Variants in CRADD observed in about 807,000 individuals in gnomAD.
CRADD encodes CARD and death domain containing adaptor protein, also known as death domain-containing protein CRADD.
In CRADD, 9 loss-of-function variants were observed where a neutral mutation model predicts 15.5. The observed-to-expected ratio is 0.58, with a 90% confidence interval of 0.35 to 1.01. The LOEUF is 1.01. CRADD is among the 50% of genes least tolerant of loss of function. The pLI is 0.02. For synonymous variants in CRADD, 118 were observed against 107.6 expected (o/e 1.10, Z -0.60); for missense variants, 227 against 250.3 (o/e 0.91, Z 0.63).
intron 2 of CRADD, among the ~76,000 whole-genome samples, chr12:93,681,099 G>C (rs1445623164): frequency 6.6e-6 from 1 of 151,988 alleles, no homozygotes; most frequent in Non-Finnish European, 1.5e-5. Flanking sequence ...GGTCAGGCTG[G>C]TCTTAAACTC....
chr12:93,887,600 T>C (rs1014063786), intron 2 of CRADD, among the ~76,000 whole-genome samples: 1 of 152,242 alleles, frequency 6.6e-6, no homozygotes, highest in African/African-American at 2.4e-5. Flanking sequence ...CTTGGTATTG[T>C]TAAAGCACAG....
In CRADD at chr12:93,738,568, C is replaced by T. The variant is rs1325464392; in HGVS notation, c.298+59496C>T. The stretch of plus-strand genomic sequence containing the variant: ...ACTCATTCCTCACACCTGCCTCACC[C>T]CGCTCCCACCGCCACCCCCTGCACC... On this transcript the variant is annotated intron_variant, in intron 2 of 2. Coordinates refer to ENST00000332896, the MANE Select transcript of CRADD (RefSeq NM_003805.5). 1.6e-5 allele frequency: 11 copies of T among 677,758 alleles called. No individual in the cohort carries two copies. The East Asian group carries it at 3.0e-4, about 18-fold the overall frequency. The allele number at this position is 677,758 out of a possible 1,614,324, so 42.0% of individuals were successfully genotyped here. A position where few individuals can be genotyped will look rare whatever the true frequency, so the allele number is the denominator to read the frequency against.
At chr12:93,738,661 T>C in intron 2 of CRADD, 1 of 530,836 alleles carries the variant, frequency 1.9e-6, no homozygotes, top group South Asian at 2.8e-5. Flanking sequence ...TTTTTGTGCG[T>C]AAAGTGTCAA....
chr12:93,818,995 T>C (rs1957740070), intron 2 of CRADD, among the ~76,000 whole-genome samples: 1 of 152,210 alleles, frequency 6.6e-6, no homozygotes, highest in Non-Finnish European at 1.5e-5. Flanking sequence ...AATTAGCCAA[T>C]TCATTATGTT....
At chr12:93,723,020 A>G (rs956751061) in intron 2 of CRADD, among the ~76,000 whole-genome samples, 2 of 152,246 alleles carry the variant, frequency 1.3e-5, no homozygotes, top group Admixed American at 6.5e-5. Flanking sequence ...ATTTTGGCAT[A>G]GGAAAGTTAT....
At chr12:93,752,448 A>G (rs1193722227) in intron 2 of CRADD, among the ~76,000 whole-genome samples, 2 of 152,238 alleles carry the variant, frequency 1.3e-5, no homozygotes, top group Non-Finnish European at 2.9e-5. Flanking sequence ...CTTCAGGAGA[A>G]GTAGACCAGT....
chr12:93,688,403 T>C (rs905013177), intron 2 of CRADD, among the ~76,000 whole-genome samples: 1 of 151,140 alleles, frequency 6.6e-6, no homozygotes, highest in Non-Finnish European at 1.5e-5. Context: ...CTTGGGTGGC[T>C]GAGGCACAAG....
intron 2 of CRADD, among the ~76,000 whole-genome samples, chr12:93,785,566 C>T (rs868134413): frequency 1.6e-4 from 24 of 152,162 alleles, no homozygotes; most frequent in African/African-American, 5.8e-4. Flanking sequence ...GAATGGGAGA[C>T]CAAGGAGAGG....
intron 2 of CRADD, among the ~76,000 whole-genome samples, chr12:93,754,966 A>T (rs79005051): frequency 1.4e-5 from 2 of 142,376 alleles, no homozygotes; most frequent in Non-Finnish European, 1.6e-5. Context: ...GTAATTCATT[A>T]AAAAAAAAAA....
chr12:93,846,748 G>A (rs958060590), intron 2 of CRADD, among the ~76,000 whole-genome samples: 3 of 152,132 alleles, frequency 2.0e-5, no homozygotes, highest in African/African-American at 7.2e-5. Context: ...AGAAAAGAAT[G>A]CAACCATGTG....
intron 2 of CRADD, among the ~76,000 whole-genome samples, chr12:93,797,290 G>T (rs1957429030): frequency 6.6e-6 from 1 of 152,164 alleles, no homozygotes; most frequent in African/African-American, 2.4e-5. Context: ...GCATAAAATT[G>T]TGGGGAGGGT....
downstream of CRADD, among the ~76,000 whole-genome samples, chr12:93,851,791 A>T (rs917116442): frequency 6.6e-6 from 1 of 152,128 alleles, no homozygotes; most frequent in African/African-American, 2.4e-5. Flanking sequence ...ATAACTCAGG[A>T]TTTTTCAAAA....
At chr12:93,834,292 A>G (rs1327130982) in intron 2 of CRADD, among the ~76,000 whole-genome samples, 1 of 152,200 alleles carries the variant, frequency 6.6e-6, no homozygotes, top group African/African-American at 2.4e-5. Context: ...GCCATGATAA[A>G]TAAGGTCATT....
intron 2 of CRADD, among the ~76,000 whole-genome samples, chr12:93,749,058 C>G (rs1956801634): frequency 6.6e-6 from 1 of 152,192 alleles, no homozygotes; most frequent in Non-Finnish European, 1.5e-5. Context: ...AGGCACTATT[C>G]TGGGGACATG....
chr12:93,842,981 G>C (rs902845392), intron 2 of CRADD, among the ~76,000 whole-genome samples: 1 of 152,186 alleles, frequency 6.6e-6, no homozygotes, highest in African/African-American at 2.4e-5. Context: ...CTGTATAAGG[G>C]AGAACATTTT....
intron 2 of CRADD, among the ~76,000 whole-genome samples, chr12:93,718,768 T>TC (rs1956208485): frequency 6.6e-6 from 1 of 151,990 alleles, no homozygotes; most frequent in African/African-American, 2.4e-5. Context: ...TTCTCTCTTT[T>TC]TTTTTTTTTG....
downstream of CRADD, among the ~76,000 whole-genome samples, chr12:93,855,065 A>T (rs561717584): frequency 3.9e-5 from 6 of 152,036 alleles, no homozygotes; most frequent in African/African-American, 7.2e-5. Flanking sequence ...TGTGATGGCC[A>T]GTGCCTGTAA....
chr12:93,867,065 G>C (rs1958373938), intron 2 of CRADD, among the ~76,000 whole-genome samples: 1 of 152,086 alleles, frequency 6.6e-6, no homozygotes. Flanking sequence ...ATTTGTGTCT[G>C]TCTGACTCCT....
chr12:93,694,613 G>C (rs1426663550), intron 2 of CRADD, among the ~76,000 whole-genome samples: 3 of 152,068 alleles, frequency 2.0e-5, no homozygotes, highest in Non-Finnish European at 4.4e-5. Context: ...AATAAATTTA[G>C]TAAAGTTGCA....
Sources: gnomAD v4.1 joint callset for allele counts (sites outside exome capture counted in the v4.1 genomes callset) on GRCh38, gnomAD v4.1.1 for gene constraint, MANE v1.5 for transcripts, NCBI Gene and HGNC (gene_info 2026-07-23, HGNC 2026-07-21) for gene names.